The following PCLO variants were observed in gnomAD, a reference collection of about 807,000 sequenced individuals.
The protein encoded by PCLO is piccolo presynaptic cytomatrix protein.
A neutral mutation model predicts 427.5 loss-of-function variants in PCLO; 82 were observed. The ratio of observed to expected loss-of-function variants is 0.19; its 90% CI spans 0.16 to 0.23. The LOEUF (loss-of-function observed/expected upper bound fraction) is 0.23. PCLO is among the 10% of genes least tolerant of loss of function. The pLI is 1.00. For synonymous variants in PCLO, 2,357 were observed against 2,155.4 expected (o/e 1.09, Z -2.59); for missense variants, 6,239 against 6,115.9 (o/e 1.02, Z -0.67).
intron 3 of PCLO, among the ~76,000 whole-genome samples, chr7:83,089,426 C>G (rs953018708): frequency 6.6e-6 from 1 of 152,036 alleles, no homozygotes; most frequent in African/African-American, 2.4e-5. Flanking sequence ...CTTTCTCCCC[C>G]CTGACCAAAA....
chr7:83,145,065 C>G (rs993519325), intron 2 of PCLO, among the ~76,000 whole-genome samples: 6 of 152,084 alleles, frequency 3.9e-5, no homozygotes, highest in African/African-American at 1.4e-4. Flanking sequence ...TCTATATGTA[C>G]TTTTTCATAT....
chr7:83,053,161 T>G (rs1789294970), intron 3 of PCLO, among the ~76,000 whole-genome samples: 1 of 151,962 alleles, frequency 6.6e-6, no homozygotes, highest in Admixed American at 6.6e-5. Flanking sequence ...TATGCACTCA[T>G]GTCATTCCTT....
At chr7:82,940,953 G>A (rs1490702461) in intron 6 of PCLO, among the ~76,000 whole-genome samples, 2 of 151,202 alleles carry the variant, frequency 1.3e-5, no homozygotes, top group Admixed American at 6.6e-5. Flanking sequence ...TAGTAGAGAC[G>A]GGGTTTCACC....
At position 82,956,660 on chromosome 7, in the gene PCLO, C is replaced by A; in HGVS notation, c.4293G>T (p.Lys1431Asn). ...CATGGGGTTGTGTTTTCTTTTCTGA[C>A]TTTTCATCAGCAAGTGTACTTGCTT... ...EAQASTLADE[K>N]SEKKTQPHEV... The change falls in exon 5 of 25, where the codon AAG becomes AAT. Residue 1431 changes from lysine to asparagine, a missense_variant. Around this residue, in one of 5 missense-constraint regions of PCLO, gnomAD observed 4,677 missense variants for 4,468.4 expected, o/e 1.05. Transcript: ENST00000333891. 6.2e-7 allele frequency: 1 copy of A among 1,613,892 alleles called. No homozygotes were observed. The highest frequency in any genetic ancestry group is 1.1e-5 in the South Asian group (1 of 91,076).
chr7:82,783,758 A>G (rs1790925833), intron 22 of PCLO, among the ~76,000 whole-genome samples: 1 of 152,096 alleles, frequency 6.6e-6, no homozygotes, highest in Non-Finnish European at 1.5e-5. Flanking sequence ...TATCATAAGA[A>G]CTCATGCAAT....
intron 10 of PCLO, among the ~76,000 whole-genome samples, chr7:82,856,642 A>G (rs1018616038): frequency 2.0e-5 from 3 of 152,176 alleles, no homozygotes; most frequent in Admixed American, 1.3e-4. Context: ...TAATGTCATC[A>G]TCTCACTTGA....
intron 9 of PCLO, among the ~76,000 whole-genome samples, chr7:82,886,557 T>C (rs778748223): frequency 2.0e-5 from 3 of 152,164 alleles, no homozygotes; most frequent in Non-Finnish European, 4.4e-5. Context: ...GGTATATAAA[T>C]GAAATCCAGA....
At chr7:82,817,369 CTTTAT>C (rs1385908135) in intron 20 of PCLO, among the ~76,000 whole-genome samples, 1 of 152,028 alleles carries the variant, frequency 6.6e-6, no homozygotes, top group African/African-American at 2.4e-5. Flanking sequence ...ATGCTTTTTC[CTTTAT>C]TTTTCTTATG....
In PCLO at chr7:82,956,225, C is replaced by T. The variant is rs535197261; in HGVS notation, c.4728G>A (p.Glu1576=). ...DEDASGSEDD[E]FIRNQLKEIS... ...TCTCTTTGAGCTGGTTTCTGATGAACTCATCATCTTCAGAACCTGAAGCAT... is the reference window on the plus strand; with the variant it reads ...TCTCTTTGAGCTGGTTTCTGATGAATTCATCATCTTCAGAACCTGAAGCAT... The change falls in exon 5 of 25, where the codon GAG becomes GAA. Residue 1576 remains glutamate, a synonymous_variant. Transcript: ENST00000333891. The T allele has an allele frequency of 1.1e-5, 18 of 1,610,926 alleles. No homozygotes were observed. The African/African-American group carries it at 2.0e-4, about 18-fold the overall frequency.
At chr7:82,897,316 T>C (rs1793927549) in intron 9 of PCLO, among the ~76,000 whole-genome samples, 1 of 151,610 alleles carries the variant, frequency 6.6e-6, no homozygotes, top group African/African-American at 2.4e-5. Flanking sequence ...TCAAAACCAT[T>C]GTACAGTTGT....
Position 82,916,013 on chromosome 7 carries a change from A to G in PCLO, c.11973T>C (p.Val3991=), listed in dbSNP as rs771923531. The change falls in exon 7 of 25, where the codon GTT becomes GTC. Residue 3991 remains valine (V), a synonymous_variant. Transcript: ENST00000333891. ...IRNQPLMIAP[V]STDNTFAVSH... is the part of the protein sequence containing the mutation. ...AAACAGCAAATGTGTTATCCGTAGA[A>G]ACAGGTGCTATCATAAGGGGTTGGT... 3 of 1,612,706 alleles carry G rather than the reference A, an allele frequency of 1.9e-6. No individual in the cohort carries two copies. In the Admixed American group the frequency reaches 5.0e-5, roughly 27 times the overall value.
intron 22 of PCLO, among the ~76,000 whole-genome samples, chr7:82,780,422 T>C (rs1790847593): frequency 6.6e-6 from 1 of 152,230 alleles, no homozygotes; most frequent in African/African-American, 2.4e-5. Flanking sequence ...GTCTTCTGGA[T>C]TGATTGAAGA....
At chr7:83,029,122 C>A (rs959504793) in intron 3 of PCLO, among the ~76,000 whole-genome samples, 1 of 151,092 alleles carries the variant, frequency 6.6e-6, no homozygotes, top group African/African-American at 2.4e-5. Context: ...TATAATTAAA[C>A]TAAAGAGCTT....
intron 20 of PCLO, chr7:82,821,049 G>A (rs986382501): frequency 8.6e-7 from 1 of 1,162,550 alleles, no homozygotes; most frequent in East Asian, 4.0e-5. Flanking sequence ...AAAAATTAAA[G>A]ATGAGAGCTT....
At chr7:82,875,328 T>C (rs1793343330) in intron 10 of PCLO, among the ~76,000 whole-genome samples, 1 of 152,118 alleles carries the variant, frequency 6.6e-6, no homozygotes. Flanking sequence ...AACCATTTTA[T>C]TGAGTATAAT....
At position 82,944,272 on chromosome 7, in the gene PCLO, C is replaced by T. The variant is rs1055526743; in HGVS notation, c.11112+5204G>A. Reference sequence around the variant, plus strand: ...ATGTGGGAGTGAGGGATTTATGAATCCTGCAAAATTGAAAATTATTTGATG... The same window carrying T: ...ATGTGGGAGTGAGGGATTTATGAATTCTGCAAAATTGAAAATTATTTGATG... On this transcript the variant is annotated intron_variant, in intron 6 of 24. Coordinates refer to ENST00000333891, the MANE Select transcript of PCLO (RefSeq NM_033026.6). Among the ~76,000 whole-genome samples, 9 of 150,378 alleles carry T rather than the reference C, an allele frequency of 6.0e-5. No individual in the cohort carries two copies. In the South Asian group the frequency reaches 1.3e-3, roughly 21 times the overall value.
intron 20 of PCLO, among the ~76,000 whole-genome samples, chr7:82,807,636 G>A (rs1390689283): frequency 6.6e-6 from 1 of 151,884 alleles, no homozygotes; most frequent in Non-Finnish European, 1.5e-5. Context: ...GTCGGTAGCA[G>A]GTTCTCTAAA....
chr7:82,978,626 C>T (rs1437885521), intron 3 of PCLO, among the ~76,000 whole-genome samples: 1 of 151,878 alleles, frequency 6.6e-6, no homozygotes, highest in Non-Finnish European at 1.5e-5. Flanking sequence ...CATGAATATA[C>T]AACATATACA....
chr7:83,136,739 C>T (rs879661576), intron 2 of PCLO, among the ~76,000 whole-genome samples: 82 of 151,990 alleles, frequency 5.4e-4, no homozygotes, highest in Non-Finnish European at 1.0e-3. Context: ...GTGATATATA[C>T]ATGTACATGT....
Sources: gnomAD v4.1 joint callset for allele counts (sites outside exome capture counted in the v4.1 genomes callset) on GRCh38, gnomAD v4.1.1 for gene constraint, gnomAD v4.1.1 regional missense constraint, MANE v1.5 for transcripts, NCBI Gene and HGNC (gene_info 2026-07-23, HGNC 2026-07-21) for gene names.